Variants in PDS5A observed in about 807,000 individuals in gnomAD.
PDS5A encodes the protein sister chromatid cohesion protein PDS5 homolog A.
PDS5A carries 42 observed loss-of-function variants against 167.1 expected under a neutral mutation model. That is an observed-to-expected ratio of 0.25 (90% CI 0.20 to 0.33). PDS5A has a LOEUF of 0.33. Ranked by LOEUF, PDS5A falls within the 10% of genes least tolerant of loss-of-function variation. The pLI is 1.00. For missense variants in PDS5A, 1,033 were observed against 1,605.9 expected (o/e 0.64, Z 6.10); for synonymous variants, 553 against 554.6 (o/e 1.00, Z 0.04).
At chr4:39,946,227 GA>G (rs139919030) in intron 2 of PDS5A, among the ~76,000 whole-genome samples, 34 of 142,146 alleles carry the variant, frequency 2.4e-4, no homozygotes, top group African/African-American at 6.5e-4. Flanking sequence ...AAAAAAGAAA[GA>G]AAAAAAAAGG....
At chr4:39,857,086 C>T (rs745463671) in intron 26 of PDS5A, among the ~76,000 whole-genome samples, 84 of 152,220 alleles carry the variant, frequency 5.5e-4, no homozygotes, top group Non-Finnish European at 1.1e-3. Context: ...GGTGCAGTGG[C>T]TCATGCCTGT....
rs199958246 is a variant in PDS5A, at chr4:39,844,822, C to G, written c.3403-21G>C. 75 of 1,586,758 alleles carry G rather than the reference C, an allele frequency of 4.7e-5. 1 individual carries two copies. In the East Asian group the frequency reaches 7.2e-4, roughly 15 times the overall value. ...TTTGGCTAAAAACAAAAACAAAAAA[C>G]CCCCCAAAAACACACACGTTTATAC... On this transcript the variant is annotated intron_variant, in intron 29 of 32. Coordinates refer to ENST00000303538, the MANE Select transcript of PDS5A (RefSeq NM_001100399.2).
rs1167739501 is a variant in PDS5A at position 39,848,965 on chromosome 4, C to T, written c.3225G>A (p.Leu1075=). 1.3e-6 allele frequency: 2 copies of T among 1,589,870 alleles called. No individual in the cohort carries two copies. The highest frequency in any genetic ancestry group is 2.2e-5 in the East Asian group (1 of 44,538). The change falls in exon 28 of 33, where the codon CTG becomes CTA. Residue 1075 remains leucine, a synonymous_variant. Transcript: ENST00000303538. The part of the protein sequence containing the change: ...SPDESKTNEK[L]YTVCDVALCV... Reference sequence around the variant, plus strand: ...AGAGAGCCACATCACATACTGTATACAGTTTCTAGGGAGGAAAACGAATCA... The same window carrying T: ...AGAGAGCCACATCACATACTGTATATAGTTTCTAGGGAGGAAAACGAATCA...
chr4:39,912,287 TTGGGTGATTTC>T (rs2109687421), intron 9 of PDS5A, among the ~76,000 whole-genome samples: 1 of 152,302 alleles, frequency 6.6e-6, no homozygotes, highest in South Asian at 2.1e-4. Context: ...GAAACTTATA[TTGGGTGATTTC>T]ATTTTTAAAA....
chr4:39,841,920 A>G lies in PDS5A; in HGVS notation c.3657+28T>C, dbSNP rs777381003. 4 of 1,241,392 alleles carry G rather than the reference A, an allele frequency of 3.2e-6. No homozygotes were observed. The South Asian group carries it at 4.9e-5, about 15-fold the overall frequency. The allele number at this position is 1,241,392 out of a possible 1,614,324, so 76.9% of individuals were successfully genotyped here. Reference sequence around the variant, plus strand: ...AAACTGTAATAATCTCCATGGAAAAAATCCACTTGTTAAATTTTAAAATTT... The same window carrying G: ...AAACTGTAATAATCTCCATGGAAAAGATCCACTTGTTAAATTTTAAAATTT... On this transcript the variant is annotated intron_variant, in intron 31 of 32. Transcript: ENST00000303538.
chr4:39,911,722 T>C lies in PDS5A; in HGVS notation c.993-1384A>G, dbSNP rs538629632. Among the ~76,000 whole-genome samples, 610 of 150,520 alleles carry C rather than the reference T, an allele frequency of 4.1e-3. 3 individuals carry two copies. In the Middle Eastern group the frequency reaches 0.042, roughly 10 times the overall value. On this transcript the variant is annotated intron_variant, in intron 9 of 32. Transcript: ENST00000303538. ...TGGCGGGCGCCTGTAGTCCCAGCTG[T>C]TTGGGAGGCTGAGGCAGGAGAATGG...
chr4:39,959,137 C>T (rs2109803350), intron 2 of PDS5A, among the ~76,000 whole-genome samples: 1 of 152,254 alleles, frequency 6.6e-6, no homozygotes. Flanking sequence ...TTGTAAATTA[C>T]AATCATCTCA....
chr4:39,923,021 A>C (rs1306774873), intron 5 of PDS5A, among the ~76,000 whole-genome samples: 2 of 152,028 alleles, frequency 1.3e-5, no homozygotes, highest in Non-Finnish European at 2.9e-5. Flanking sequence ...TCTTCCATTC[A>C]CTTTTTTTTA....
At position 39,868,709 on chromosome 4, in the gene PDS5A, G is replaced by A. The variant is rs769017708; in HGVS notation, c.2505+685C>T. On this transcript the variant is annotated intron_variant, in intron 22 of 32. Transcript: ENST00000303538. ...TGGTCTTGAACTCTTGGGCTCAAGC[G>A]ATCCTCCTGCTCTGCCTCCCAAAGT... is the stretch of plus-strand genomic sequence containing the variant. 30 of 454,126 alleles carry A rather than the reference G, an allele frequency of 6.6e-5. 1 individual carries two copies. The highest frequency in any genetic ancestry group is 4.2e-4 in the South Asian group (27 of 64,406). The allele number at this position is 454,126 out of a possible 1,614,324, so 28.1% of individuals were successfully genotyped here. A position where few individuals can be genotyped will look rare whatever the true frequency, so the allele number is the denominator to read the frequency against.
intron 16 of PDS5A, among the ~76,000 whole-genome samples, chr4:39,893,375 T>C (rs967201982): frequency 2.6e-5 from 4 of 152,220 alleles, no homozygotes; most frequent in African/African-American, 9.6e-5. Flanking sequence ...GCTCAAAGTA[T>C]GTTTGCTAAG....
At chr4:39,947,375 G>T (rs778649858) in intron 2 of PDS5A, among the ~76,000 whole-genome samples, 16 of 151,874 alleles carry the variant, frequency 1.1e-4, no homozygotes, top group Non-Finnish European at 1.9e-4. Flanking sequence ...AACTTGAACC[G>T]GGAGGCGGAG....
At chr4:39,873,500 C>T in intron 20 of PDS5A, among the ~76,000 whole-genome samples, 1 of 152,032 alleles carries the variant, frequency 6.6e-6, no homozygotes, top group East Asian at 1.9e-4. Flanking sequence ...TTTTAAATGA[C>T]CTTAAATCAT....
At chr4:39,845,953 T>C in intron 28 of PDS5A, 73 bp from the exon 29 acceptor site, 1 of 1,165,004 alleles carries the variant, frequency 8.6e-7, no homozygotes, top group Non-Finnish European at 1.1e-6. Context: ...ATTATCTCAA[T>C]AAGGCTTTTT....
intron 2 of PDS5A, among the ~76,000 whole-genome samples, chr4:39,934,588 T>C (rs1203552149): frequency 2.7e-5 from 4 of 150,240 alleles, no homozygotes; most frequent in Admixed American, 1.3e-4. Flanking sequence ...TATTTATCTA[T>C]TGCGGTCTTA....
intron 9 of PDS5A, among the ~76,000 whole-genome samples, chr4:39,912,269 G>C (rs1723960710): frequency 6.6e-6 from 1 of 152,180 alleles, no homozygotes; most frequent in Admixed American, 6.5e-5. Context: ...GTAAAATAAT[G>C]AGTGTCAGAA....
chr4:39,905,334 G>GA (rs893386465), intron 11 of PDS5A, among the ~76,000 whole-genome samples: 2 of 151,954 alleles, frequency 1.3e-5, no homozygotes, highest in African/African-American at 4.8e-5. Flanking sequence ...GAGGCAGGTG[G>GA]ATCACCTGAG....
At chr4:39,830,537 T>C (rs539298853) in intron 32 of PDS5A, among the ~76,000 whole-genome samples, 113 of 152,320 alleles carry the variant, frequency 7.4e-4, no homozygotes, top group South Asian at 2.5e-3. Flanking sequence ...GCAATTCTCC[T>C]GCCTCAGCCT....
At chr4:39,859,255 G>A (rs1170563777) in intron 26 of PDS5A, among the ~76,000 whole-genome samples, 1 of 152,002 alleles carries the variant, frequency 6.6e-6, no homozygotes, top group Non-Finnish European at 1.5e-5. Flanking sequence ...ATAAAGTTAT[G>A]TAACTACATT....
chr4:39,902,988 T>C lies in PDS5A; in HGVS notation c.1386-528A>G, dbSNP rs1462902255. Among the ~76,000 whole-genome samples the C allele has an allele frequency of 2.6e-5, 4 of 152,234 alleles. 1 individual carries two copies. Among genetic ancestry groups the C allele is most frequent in the Non-Finnish European group, 2.9e-5 (2 of 68,042 alleles). On this transcript the variant is annotated intron_variant, in intron 12 of 32. Coordinates refer to ENST00000303538, the MANE Select transcript of PDS5A (RefSeq NM_001100399.2). ...CGGTTACTGTCTGTGGCTTTATAAT[T>C]TGTCAGTATGAAACATTTGTTCTAG...
Sources: allele counts gnomAD v4.1 joint callset (sites outside exome capture counted in the v4.1 genomes callset), GRCh38; gene constraint gnomAD v4.1.1; transcripts MANE v1.5; gene names NCBI Gene and HGNC (gene_info 2026-07-23, HGNC 2026-07-21).